The following MEF2A variants were observed in gnomAD, a reference collection of about 807,000 sequenced individuals.
MEF2A encodes the protein myocyte enhancer factor 2A.
Under a neutral mutation model 55.8 loss-of-function variants are expected in MEF2A, and 28 were observed. The ratio of observed to expected loss-of-function variants is 0.50; its 90% confidence interval spans 0.37 to 0.69. MEF2A has a LOEUF of 0.69. MEF2A is among the 30% of genes least tolerant of loss of function. The probability of loss-of-function intolerance (pLI) is 0.00; values close to 1 mark genes in which losing one functional copy is unlikely to be tolerated. For synonymous variants in MEF2A, 239 were observed against 227.1 expected, an observed-to-expected ratio of 1.05 and a Z score of -0.47; for missense variants, 528 against 626.2, an observed-to-expected ratio of 0.84 and a Z score of 1.67.
chr15:99,607,109 A>C (rs1329248755), intron 2 of MEF2A, among the ~76,000 whole-genome samples: 1 of 152,202 alleles, frequency 6.6e-6, no homozygotes, highest in African/African-American at 2.4e-5. Context: ...AAAATAAAAC[A>C]GGTAAAATAA....
intron 3 of MEF2A, among the ~76,000 whole-genome samples, chr15:99,641,367 C>T (rs2044888604): frequency 6.6e-6 from 1 of 152,136 alleles, no homozygotes; most frequent in Non-Finnish European, 1.5e-5. Flanking sequence ...ATGTAGCAGG[C>T]ATTGAGTGTT....
chr15:99,585,725 T>TA (rs1417996365), intron 1 of MEF2A, among the ~76,000 whole-genome samples: 2 of 152,226 alleles, frequency 1.3e-5, no homozygotes, highest in East Asian at 1.9e-4. Flanking sequence ...CAACTGAACT[T>TA]ACGAGGTATA....
At chr15:99,661,070 A>G (rs1331391875) in intron 4 of MEF2A, among the ~76,000 whole-genome samples, 2 of 152,220 alleles carry the variant, frequency 1.3e-5, no homozygotes, top group Non-Finnish European at 2.9e-5. Context: ...ATGGAATAAT[A>G]GCTCAGAAAC....
chr15:99,635,504 G>A (rs1567280870), intron 3 of MEF2A, among the ~76,000 whole-genome samples: 1 of 152,110 alleles, frequency 6.6e-6, no homozygotes, highest in South Asian at 2.1e-4. Context: ...AATCCTAAGA[G>A]TGTGGTTCAG....
At chr15:99,661,883 A>C (rs2048706952) in intron 4 of MEF2A, among the ~76,000 whole-genome samples, 1 of 152,106 alleles carries the variant, frequency 6.6e-6, no homozygotes. Flanking sequence ...AGCCACTCCA[A>C]TGTCTGTCTG....
At chr15:99,583,684 T>G (rs1296630620) in intron 1 of MEF2A, among the ~76,000 whole-genome samples, 2 of 152,108 alleles carry the variant, frequency 1.3e-5, no homozygotes, top group African/African-American at 2.4e-5. Flanking sequence ...AAAATTCTAA[T>G]GAATTTGTAA....
chr15:99,680,630 A>T (rs1453330155), intron 7 of MEF2A, among the ~76,000 whole-genome samples: 2 of 152,268 alleles, frequency 1.3e-5, no homozygotes, highest in Non-Finnish European at 2.9e-5. Context: ...GTAATGAATA[A>T]TAGGAAGAAA....
At chr15:99,567,857 C>T (rs571650995) in intron 1 of MEF2A, among the ~76,000 whole-genome samples, 1 of 152,082 alleles carries the variant, frequency 6.6e-6, no homozygotes, top group Non-Finnish European at 1.5e-5. Flanking sequence ...AATAGAATCA[C>T]CTTTATTTTA....
chr15:99,678,643 T>C, intron 7 of MEF2A: 1 of 984,996 alleles, frequency 1.0e-6, no homozygotes, highest in Non-Finnish European at 1.2e-6. Flanking sequence ...ATTGGAATAC[T>C]TCAGGCCCAT....
At position 99,645,167 on chromosome 15, in the gene MEF2A, G is replaced by A. The variant is rs527429037; in HGVS notation, c.55-394G>A. 1.1e-4 allele frequency among the ~76,000 whole-genome samples: 16 copies of A among 152,266 alleles called. No individual in the cohort carries two copies. The South Asian group carries it at 3.3e-3, about 32-fold the overall frequency. ...GGGAGGAGAAATACTTCAGATTAGT[G>A]GATGTATTTAGTTGTTTAGGGATCA... is the stretch of plus-strand genomic sequence containing the variant. On this transcript the variant is annotated intron_variant, in intron 3 of 11. Coordinates refer to ENST00000557942, the MANE Select transcript of MEF2A (RefSeq NM_001319206.4).
chr15:99,677,240 G>C (rs183927171), intron 7 of MEF2A, among the ~76,000 whole-genome samples: 1 of 152,218 alleles, frequency 6.6e-6, no homozygotes, highest in East Asian at 1.9e-4. Context: ...AAAACTTGCA[G>C]AAATAAACAA....
rs1381368214 is a variant in MEF2A at position 99,712,507 on chromosome 15, G to A, written c.1254G>A (p.Gln418=). ...ATCGTATGACCCCATCGGGCTTCCA[G>A]CAGCAGCAGCAGCAGCAGCAGCAGC... ...PRDRMTPSGF[Q]QQQQQQQQQQ... is the part of the protein sequence containing the mutation. The change falls in exon 12 of 12, where the codon CAG becomes CAA. Residue 418 remains glutamine (Q), a synonymous_variant. Transcript: ENST00000557942. The surrounding 1 kb of genome is among the most constrained non-coding windows in gnomAD (Gnocchi z 4.1). 3.0e-6 allele frequency: 1 copy of A among 332,358 alleles called. No individual in the cohort carries two copies. Among genetic ancestry groups the A allele is most frequent in the Non-Finnish European group, 4.2e-6 (1 of 240,672 alleles). 20.6% of individuals were successfully genotyped at this position (332,358 alleles called of 1,614,324 possible).
At chr15:99,699,514 C>G (rs945623850) in intron 8 of MEF2A, among the ~76,000 whole-genome samples, 1 of 152,112 alleles carries the variant, frequency 6.6e-6, no homozygotes, top group Non-Finnish European at 1.5e-5. Flanking sequence ...GAAACTGTAC[C>G]TACAAAGAGT....
At chr15:99,632,533 C>T (rs917188802) in intron 2 of MEF2A, among the ~76,000 whole-genome samples, 2 of 152,074 alleles carry the variant, frequency 1.3e-5, no homozygotes, top group Non-Finnish European at 1.5e-5. Flanking sequence ...AGTTTATAAC[C>T]CCAAGCTCTG....
chr15:99,610,966 G>T (rs1444653654), intron 2 of MEF2A, among the ~76,000 whole-genome samples: 4 of 152,244 alleles, frequency 2.6e-5, no homozygotes, highest in Non-Finnish European at 5.9e-5. Context: ...ATGAGGCCGG[G>T]TGCGTTGGCT....
In MEF2A at chr15:99,582,399, G is replaced by C. The variant is rs11247115; in HGVS notation, c.-224-16031G>C. Among the ~76,000 whole-genome samples the C allele has an allele frequency of 2.9e-3, 447 of 152,112 alleles. 3 individuals are homozygous for C. Among genetic ancestry groups the C allele is most frequent in the African/African-American group, 0.01 (427 of 41,486 alleles). On this transcript the variant is annotated intron_variant, in intron 1 of 11. Coordinates refer to ENST00000557942, the MANE Select transcript of MEF2A (RefSeq NM_001319206.4). ...GATTTCCTTTCCCAGGCCAGACTGT[G>C]CTGTCCTTGAAAACTGGATTCCTTC...
At chr15:99,696,654 A>G (rs1476149923) in intron 8 of MEF2A, among the ~76,000 whole-genome samples, 1 of 151,908 alleles carries the variant, frequency 6.6e-6, no homozygotes, top group Non-Finnish European at 1.5e-5. Context: ...GGGATCCCAA[A>G]TCAGTAATCT....
chr15:99,575,924 G>A (rs1393445898), intron 1 of MEF2A, among the ~76,000 whole-genome samples: 1 of 152,090 alleles, frequency 6.6e-6, no homozygotes, highest in Non-Finnish European at 1.5e-5. Context: ...CCCACATTTG[G>A]TTAGTGGAAA....
At chr15:99,567,542 A>C (rs1289505312) in intron 1 of MEF2A, among the ~76,000 whole-genome samples, 1 of 152,222 alleles carries the variant, frequency 6.6e-6, no homozygotes, top group South Asian at 2.1e-4. Flanking sequence ...TTTTTTAAAC[A>C]TACAAAAATG....
Sources: gnomAD v4.1 joint callset for allele counts (sites outside exome capture counted in the v4.1 genomes callset) on GRCh38, gnomAD v4.1.1 for gene constraint, Gnocchi (gnomAD v3.1) non-coding constraint, MANE v1.5 for transcripts, NCBI Gene and HGNC (gene_info 2026-07-23, HGNC 2026-07-21) for gene names.